The following SLC9A2 variants were observed in gnomAD, a reference collection of about 807,000 sequenced individuals.
SLC9A2 encodes the protein sodium/hydrogen exchanger 2.
Under a neutral mutation model 71.7 loss-of-function variants are expected in SLC9A2, and 42 were observed. That is an observed-to-expected ratio of 0.59 (90% confidence interval 0.46 to 0.76). SLC9A2 has a LOEUF of 0.76. Ranked by LOEUF, SLC9A2 falls within the 30% of genes least tolerant of loss-of-function variation. The pLI is 0.00. For missense variants in SLC9A2, 829 were observed against 1,017.4 expected, an observed-to-expected ratio of 0.81 and a Z score of 2.52; for synonymous variants, 396 against 392.5, an observed-to-expected ratio of 1.01 and a Z score of -0.10.
intron 3 of SLC9A2, among the ~76,000 whole-genome samples, chr2:102,679,478 T>A (rs1289076283): frequency 4.6e-5 from 7 of 151,696 alleles, no homozygotes; most frequent in Non-Finnish European, 8.8e-5. Context: ...GCCTCCCGGG[T>A]TCACGCCATT....
intron 2 of SLC9A2, among the ~76,000 whole-genome samples, chr2:102,663,088 CTG>C (rs1414737299): frequency 6.6e-6 from 1 of 152,316 alleles, no homozygotes; most frequent in African/African-American, 2.4e-5. Flanking sequence ...CAGGAAGTAA[CTG>C]TGGCGTGTTG....
At chr2:102,708,003 C>G in intron 11 of SLC9A2, 116 bp from the exon 12 acceptor site, 5 of 1,125,100 alleles carry the variant, frequency 4.4e-6, no homozygotes, top group Middle Eastern at 3.1e-4. Flanking sequence ...CTGCTAGCCT[C>G]CCCTCTCCCC....
chr2:102,700,654 A>G (rs1425882739), intron 7 of SLC9A2, among the ~76,000 whole-genome samples: 1 of 152,192 alleles, frequency 6.6e-6, no homozygotes, highest in East Asian at 1.9e-4. Flanking sequence ...ATTGGGGAAA[A>G]CAAACAGTGA....
intron 8 of SLC9A2, 104 bp downstream of exon 8, chr2:102,701,335 GC>G (rs1276414858): frequency 3.5e-6 from 3 of 857,354 alleles, no homozygotes; most frequent in South Asian, 1.9e-5. Context: ...TAATTGATCC[GC>G]CCCCCTCGGC....
At position 102,665,125 on chromosome 2, in the gene SLC9A2, T is replaced by C; in HGVS notation, c.779T>C (p.Phe260Ser). ...TVVLYNLFKSFCQMKTIETID... is the reference protein window; with the variant it reads ...TVVLYNLFKSSCQMKTIETID... ...GTCCTGTACAACTTGTTCAAGTCGT[T>C]TTGCCAGATGAAAACCATTGAGACC... The change falls in exon 3 of 12, where the codon TTT becomes TCT. Residue 260 changes from phenylalanine (F) to serine (S), a missense_variant. Transcript: ENST00000233969. 6.2e-7 allele frequency: 1 copy of C among 1,614,114 alleles called. No individual in the cohort carries two copies. The highest frequency in any genetic ancestry group is 8.5e-7 in the Non-Finnish European group (1 of 1,180,012).
rs374532862 is a variant in SLC9A2, at chr2:102,688,727, AAAACAAAC to A, written c.1425+4403_1425+4410del. ...TGGCGACAGAGCAAGACTCTGTCTC[AAAACAAAC>A]AAACAAACAAAAAAAGAAAGAAAAC... On this transcript the variant is annotated intron_variant, in intron 5 of 11. Transcript: ENST00000233969. Among the ~76,000 whole-genome samples the A allele has an allele frequency of 2.5e-3, 379 of 152,322 alleles. 9 individuals carry two copies. The East Asian group carries it at 0.056, about 23-fold the overall frequency.
intron 1 of SLC9A2, among the ~76,000 whole-genome samples, chr2:102,623,296 T>C (rs1676179298): frequency 6.6e-6 from 1 of 152,084 alleles, no homozygotes. Flanking sequence ...GAGACTGCCA[T>C]GGGTAGAGTG....
intron 1 of SLC9A2, among the ~76,000 whole-genome samples, chr2:102,625,938 C>T (rs1484389497): frequency 2.0e-5 from 3 of 152,194 alleles, no homozygotes; most frequent in Admixed American, 6.5e-5. Context: ...GTCCCACCAA[C>T]AGTGTAAAAG....
intron 3 of SLC9A2, among the ~76,000 whole-genome samples, chr2:102,675,235 A>T (rs1007662802): frequency 5.3e-5 from 8 of 152,202 alleles, no homozygotes; most frequent in Non-Finnish European, 1.5e-5. Flanking sequence ...AGCCTCAGTG[A>T]TGAGAAGAGG....
intron 9 of SLC9A2, among the ~76,000 whole-genome samples, chr2:102,704,193 G>A (rs1162816547): frequency 6.6e-6 from 1 of 152,218 alleles, no homozygotes; most frequent in Admixed American, 6.5e-5. Context: ...GCACATACCT[G>A]TAATAACAAC....
In SLC9A2 at chr2:102,710,583, ACTTAAAT is replaced by A. The variant is rs919583912; in HGVS notation, c.*2100_*2106del. The A allele has an allele frequency of 6.6e-6, 1 of 152,248 alleles. No individual in the cohort carries two copies. Among genetic ancestry groups the A allele is most frequent in the Non-Finnish European group, 1.5e-5 (1 of 68,036 alleles). 9.4% of individuals were successfully genotyped at this position (152,248 alleles called of 1,614,324 possible). A position where few individuals can be genotyped will look rare whatever the true frequency, so the allele number is the denominator to read the frequency against. On this transcript the variant is annotated 3_prime_UTR_variant, in exon 12 of 12. Transcript: ENST00000233969. ...TTTGGATGACTATGTATAAAGGAAA[ACTTAAAT>A]CTTAATTATTATCAGTTTAAATTTT...
Position 102,709,472 on chromosome 2 carries a change from G to C in SLC9A2, c.*983G>C, listed in dbSNP as rs990760996. ...TTCTGTAGAGTGTTGTTTGAATTTT[G>C]AGCCTCCAGGTTAGAGGCTCCAAGC... On this transcript the variant is annotated 3_prime_UTR_variant, in exon 12 of 12. Coordinates refer to ENST00000233969, the MANE Select transcript of SLC9A2 (RefSeq NM_003048.6). 2.0e-5 allele frequency: 3 copies of C among 152,368 alleles called. No individual in the cohort carries two copies. The highest frequency in any genetic ancestry group is 4.4e-5 in the Non-Finnish European group (3 of 68,026). 9.4% of individuals were successfully genotyped at this position (152,368 alleles called of 1,614,324 possible). A position where few individuals can be genotyped will look rare whatever the true frequency, so the allele number is the denominator to read the frequency against.
At chr2:102,623,430 A>G (rs1476459346) in intron 1 of SLC9A2, among the ~76,000 whole-genome samples, 2 of 152,112 alleles carry the variant, frequency 1.3e-5, no homozygotes, top group Non-Finnish European at 2.9e-5. Flanking sequence ...CTGTGTTCCT[A>G]GAGGAGCCAG....
chr2:102,698,169 G>A (rs1677803095), intron 7 of SLC9A2, among the ~76,000 whole-genome samples: 1 of 152,080 alleles, frequency 6.6e-6, no homozygotes, highest in Non-Finnish European at 1.5e-5. Context: ...CTGGTCCAAT[G>A]GGCCTAACAT....
chr2:102,670,599 C>CAAAAAAAA (rs66543071), intron 3 of SLC9A2, among the ~76,000 whole-genome samples: 1 of 79,978 alleles, frequency 1.3e-5, no homozygotes, highest in Non-Finnish European at 2.4e-5. Flanking sequence ...CTCCCCCCAC[C>CAAAAAAAA]AAAAAAAAAA....
intron 3 of SLC9A2, among the ~76,000 whole-genome samples, chr2:102,672,647 T>A (rs551202440): frequency 6.6e-6 from 1 of 152,274 alleles, no homozygotes; most frequent in Non-Finnish European, 1.5e-5. Flanking sequence ...TAAAGCCACC[T>A]TGTGAAAATG....
chr2:102,666,199 T>TTTC, intron 3 of SLC9A2, among the ~76,000 whole-genome samples: 1 of 148,270 alleles, frequency 6.7e-6, no homozygotes, highest in East Asian at 2.0e-4. Context: ...TTTAGCTTTT[T>TTTC]TTTTTTTTTT....
intron 1 of SLC9A2, among the ~76,000 whole-genome samples, chr2:102,636,759 G>A (rs1244034694): frequency 1.3e-5 from 2 of 152,168 alleles, no homozygotes; most frequent in Non-Finnish European, 2.9e-5. Flanking sequence ...CTGACTCTAG[G>A]TTATAGTGTA....
At chr2:102,684,079 T>G in intron 4 of SLC9A2, 55 bp from the exon 5 acceptor site, 4 of 1,280,856 alleles carry the variant, frequency 3.1e-6, no homozygotes, top group Non-Finnish European at 4.5e-6. Flanking sequence ...GTCTATGTAT[T>G]TTCATATTTT....
Sources: allele counts gnomAD v4.1 joint callset (sites outside exome capture counted in the v4.1 genomes callset), GRCh38; gene constraint gnomAD v4.1.1; transcripts MANE v1.5; gene names NCBI Gene and HGNC (gene_info 2026-07-23, HGNC 2026-07-21).